Variants in CCDC102B observed in about 807,000 individuals in gnomAD.
CCDC102B encodes the protein coiled-coil domain-containing protein 102B.
In CCDC102B, 75 loss-of-function variants were observed where a neutral mutation model predicts 57.4. The ratio of observed to expected loss-of-function variants is 1.31; its 90% CI spans 1.08 to 1.58. CCDC102B has a LOEUF of 1.58. Ranked by LOEUF, CCDC102B falls within the 40% of genes most tolerant of loss-of-function variation. CCDC102B has a pLI of 0.00. For synonymous variants in CCDC102B, 206 were observed against 201.9 expected, an observed-to-expected ratio of 1.02 and a Z score of -0.17; for missense variants, 636 against 582.6, an observed-to-expected ratio of 1.09 and a Z score of -0.94.
intron 6 of CCDC102B, among the ~76,000 whole-genome samples, chr18:68,996,959 A>T (rs898012973): frequency 5.3e-5 from 8 of 152,166 alleles, no homozygotes; most frequent in African/African-American, 1.9e-4. Context: ...GAGAAACCAG[A>T]TGGAGCTAAT....
chr18:68,727,366 G>A (rs1252839785), intron 2 of CCDC102B, among the ~76,000 whole-genome samples: 2 of 152,086 alleles, frequency 1.3e-5, no homozygotes, highest in Admixed American at 6.6e-5. Flanking sequence ...TAGTCACTGG[G>A]CATTTATTAA....
intron 6 of CCDC102B, among the ~76,000 whole-genome samples, chr18:68,953,633 GATAA>G (rs1486067248): frequency 1.3e-5 from 2 of 151,812 alleles, no homozygotes; most frequent in Non-Finnish European, 2.9e-5. Flanking sequence ...CATAATGCAA[GATAA>G]ATAATTTCTA....
intron 2 of CCDC102B, among the ~76,000 whole-genome samples, chr18:68,763,372 C>T (rs1465436591): frequency 6.6e-6 from 1 of 152,042 alleles, no homozygotes; most frequent in Non-Finnish European, 1.5e-5. Flanking sequence ...ATGGTTGCCC[C>T]TTTCTCTCTT....
At chr18:69,052,153 A>G (rs1039831013) in intron 7 of CCDC102B, among the ~76,000 whole-genome samples, 3 of 151,978 alleles carry the variant, frequency 2.0e-5, no homozygotes, top group Non-Finnish European at 4.4e-5. Context: ...AGAAAAAAAG[A>G]AATGGAAAAA....
chr18:69,012,153 G>C (rs1034479191), intron 7 of CCDC102B, among the ~76,000 whole-genome samples: 1 of 152,124 alleles, frequency 6.6e-6, no homozygotes, highest in African/African-American at 2.4e-5. Context: ...GGGCTGGATG[G>C]TGGAAGAGTA....
intron 1 of CCDC102B, among the ~76,000 whole-genome samples, chr18:68,830,837 A>G (rs1438186401): frequency 1.3e-5 from 2 of 151,946 alleles, no homozygotes; most frequent in African/African-American, 4.8e-5. Context: ...GAAGATTCTA[A>G]ATTGTCTGAA....
At chr18:68,848,220 A>G (rs891235980) in intron 4 of CCDC102B, among the ~76,000 whole-genome samples, 1 of 151,968 alleles carries the variant, frequency 6.6e-6, no homozygotes, top group African/African-American at 2.4e-5. Flanking sequence ...TTGATTGACA[A>G]TCAGAAGGTG....
intron 6 of CCDC102B, among the ~76,000 whole-genome samples, chr18:68,918,409 A>G (rs2041153702): frequency 1.3e-5 from 2 of 152,056 alleles, no homozygotes; most frequent in African/African-American, 4.8e-5. Flanking sequence ...TTCTGTGTCT[A>G]CCTCCAGGTG....
At chr18:68,773,651 C>A (rs530705313) in intron 2 of CCDC102B, among the ~76,000 whole-genome samples, 2 of 151,888 alleles carry the variant, frequency 1.3e-5, no homozygotes, top group South Asian at 2.1e-4. Context: ...CTATATTTTT[C>A]AAGTACGTAA....
intron 1 of CCDC102B, among the ~76,000 whole-genome samples, chr18:68,812,266 T>G (rs1286229307): frequency 2.0e-5 from 3 of 151,982 alleles, no homozygotes; most frequent in Non-Finnish European, 4.4e-5. Flanking sequence ...TCACATTATG[T>G]TAAAGTATCC....
chr18:68,902,098 C>T (rs1396260228), intron 6 of CCDC102B: 1 of 152,134 alleles, frequency 6.6e-6, no homozygotes, highest in Non-Finnish European at 1.5e-5. Context: ...TGTCTGCACC[C>T]TTGCATCGAA....
intron 7 of CCDC102B, among the ~76,000 whole-genome samples, chr18:69,047,135 G>A (rs1379246573): frequency 6.6e-6 from 1 of 151,988 alleles, no homozygotes; most frequent in African/African-American, 2.4e-5. Context: ...AATATGCTCA[G>A]TGAACATAGA....
intron 2 of CCDC102B, among the ~76,000 whole-genome samples, chr18:68,731,980 A>G (rs2032890079): frequency 2.5e-5 from 1 of 40,624 alleles, no homozygotes; most frequent in African/African-American, 4.1e-5. Flanking sequence ...TTTAAGTTAT[A>G]GCATCTGCTA....
At chr18:68,894,539 CTT>C (rs567173093) in intron 5 of CCDC102B, among the ~76,000 whole-genome samples, 196 of 151,810 alleles carry the variant, frequency 1.3e-3, no homozygotes, top group Middle Eastern at 4.0e-3. Flanking sequence ...ACTCTGAGAG[CTT>C]AAAATATTAC....
intron 7 of CCDC102B, among the ~76,000 whole-genome samples, chr18:69,024,161 A>G (rs2051922727): frequency 6.6e-6 from 1 of 152,082 alleles, no homozygotes; most frequent in African/African-American, 2.4e-5. Flanking sequence ...TTAGATTTAA[A>G]TGTTTTCTAA....
intron 7 of CCDC102B, among the ~76,000 whole-genome samples, chr18:69,014,710 G>T (rs57576946): frequency 0.31 from 46,277 of 151,232 alleles, 7,233 homozygotes; most frequent in South Asian, 0.35. Flanking sequence ...TGTTTTTTTT[G>T]TGTGTGTGTG....
chr18:68,780,387 A>C lies in CCDC102B; in HGVS notation c.-66-42979A>C, dbSNP rs561958275. ...AATTTTAATTTTGGGGAACTGCCAG[A>C]CTATTTTCCAAAGCAGCTGCACCAT... On this transcript the variant is annotated intron_variant, in intron 2 of 3. Coordinates refer to the CCDC102B transcript ENST00000578970. Among the ~76,000 whole-genome samples the C allele has an allele frequency of 1.8e-3, 280 of 151,850 alleles. 2 individuals carry two copies. The highest frequency in any genetic ancestry group is 1.5e-3 in the Non-Finnish European group (99 of 67,936).
intron 4 of CCDC102B, among the ~76,000 whole-genome samples, chr18:68,872,101 G>A (rs11151471): frequency 6.6e-6 from 1 of 151,894 alleles, no homozygotes; most frequent in Non-Finnish European, 1.5e-5. Context: ...GGGAAGGATG[G>A]TATTGCCATT....
intron 2 of CCDC102B, among the ~76,000 whole-genome samples, chr18:68,786,023 A>ATT (rs2035196021): frequency 6.6e-6 from 1 of 151,538 alleles, no homozygotes; most frequent in Non-Finnish European, 1.5e-5. Context: ...TAAGGAAGGG[A>ATT]TCCAGTTTCA....
Sources: allele counts gnomAD v4.1 joint callset (sites outside exome capture counted in the v4.1 genomes callset), GRCh38; gene constraint gnomAD v4.1.1; transcripts MANE v1.5; gene names NCBI Gene and HGNC (gene_info 2026-07-23, HGNC 2026-07-21).